FBXL16: variants seen among roughly 807,000 people sequenced by gnomAD.
The protein encoded by FBXL16 is F-box/LRR-repeat protein 16.
A neutral mutation model predicts 36.7 loss-of-function variants in FBXL16; 7 were observed. The ratio of observed to expected loss-of-function variants is 0.19; its 90% CI spans 0.11 to 0.36. The LOEUF (loss-of-function observed/expected upper bound fraction) is 0.36, where lower values mean the gene tolerates loss of function less well. Among genes scored for constraint, FBXL16 ranks in the 10% least tolerant of loss-of-function variants. FBXL16 has a pLI of 1.00. For missense variants in FBXL16, 463 were observed against 659.4 expected, an observed-to-expected ratio of 0.70 and a Z score of 3.26; for synonymous variants, 355 against 308.7, an observed-to-expected ratio of 1.15 and a Z score of -1.57.
chr16:704,026 C>T (rs549101846), intron 1 of FBXL16, among the ~76,000 whole-genome samples: 22 of 152,384 alleles, frequency 1.4e-4, no homozygotes, highest in African/African-American at 4.8e-4. Context: ...TCCTCCTGCA[C>T]CACTGGTGGG....
intron 3 of FBXL16, 61 bp from the exon 4 acceptor site, chr16:695,137 C>T (rs948659955): frequency 9.2e-6 from 14 of 1,525,736 alleles, no homozygotes; most frequent in South Asian, 1.2e-5. Flanking sequence ...CATCCCTCGT[C>T]TTCCTGGGAG....
At chr16:704,823 G>C (rs1423402469) in intron 1 of FBXL16, among the ~76,000 whole-genome samples, 1 of 152,246 alleles carries the variant, frequency 6.6e-6, no homozygotes, top group African/African-American at 2.4e-5. Flanking sequence ...AGTGGCCGCT[G>C]GGCCGTCAGT....
rs904917780 is a variant in FBXL16, at chr16:697,516, G to A, written c.-14-97C>T. 24 of 1,389,930 alleles carry A rather than the reference G, an allele frequency of 1.7e-5. No individual in the cohort carries two copies. The highest frequency in any genetic ancestry group is 5.2e-5 in the East Asian group (2 of 38,666). 86.1% of individuals were successfully genotyped at this position (1,389,930 alleles called of 1,614,324 possible). ...AGTGGGGCTCCTTCCCTCCTTGGGC[G>A]TCCCTATGGTGCTCCCAGAACCACC... On this transcript the variant is annotated intron_variant, in intron 1 of 5. Coordinates refer to ENST00000397621, the MANE Select transcript of FBXL16 (RefSeq NM_153350.4). This position sits in a 1 kb window ranked among gnomAD's most constrained non-coding sequence, Gnocchi z 4.6.
chr16:694,739 C>A (rs1356898633), intron 4 of FBXL16, 42 bp from the exon 5 acceptor site: 5 of 1,564,924 alleles, frequency 3.2e-6, no homozygotes, highest in East Asian at 2.3e-5. Flanking sequence ...TCCGCTCGCA[C>A]CGAGGCGGAG....
At chr16:698,719 A>C (rs1258815430) in intron 1 of FBXL16, among the ~76,000 whole-genome samples, 1 of 152,000 alleles carries the variant, frequency 6.6e-6, no homozygotes, top group Admixed American at 6.6e-5. Context: ...GTTTGAGACC[A>C]CCTGGCCAAC....
At position 699,397 on chromosome 16, in the gene FBXL16, C is replaced by T. The variant is rs758781855; in HGVS notation, c.-14-1978G>A. On this transcript the variant is annotated intron_variant, in intron 1 of 5. Coordinates refer to ENST00000397621, the MANE Select transcript of FBXL16 (RefSeq NM_153350.4). ...CTGCTCCACAGTTCGGATCTCCTGC[C>T]GCCCCCACCCCGACATCCGGGGAGG... 5.9e-5 allele frequency among the ~76,000 whole-genome samples: 9 copies of T among 152,326 alleles called. No homozygotes were observed. In the East Asian group the frequency reaches 9.6e-4, roughly 16 times the overall value.
At chr16:694,916 T>C in intron 4 of FBXL16, 76 bp downstream of exon 4, 3 of 1,416,818 alleles carry the variant, frequency 2.1e-6, no homozygotes, top group Non-Finnish European at 9.4e-7. Flanking sequence ...TCCCAGGATC[T>C]GAGTGGGGCC....
At position 695,852 on chromosome 16, in the gene FBXL16, C is replaced by T. The variant is rs755335069; in HGVS notation, c.705G>A (p.Gly235=). 2 of 1,604,188 alleles carry T rather than the reference C, an allele frequency of 1.2e-6. No individual in the cohort carries two copies. Among genetic ancestry groups the T allele is most frequent in the Non-Finnish European group, 8.5e-7 (1 of 1,173,788 alleles). Residue 235 remains glycine, a synonymous_variant, in exon 3 of 6, where the codon GGG becomes GGA. Transcript: ENST00000397621. ...TGCGCGCGCTCAGGCTGGACCACAG[C>T]CCGGCCTCGGTGAAGTCGTTGCAGC... ...LSGCNDFTEA[G]LWSSLSARIT... is the part of the protein sequence containing the mutation.
intron 1 of FBXL16, among the ~76,000 whole-genome samples, chr16:699,460 A>G (rs1201806462): frequency 6.6e-6 from 1 of 152,178 alleles, no homozygotes; most frequent in African/African-American, 2.4e-5. Context: ...TGGACTTGAA[A>G]TGGGCCCCAC....
At chr16:699,476 C>T (rs567751735) in intron 1 of FBXL16, among the ~76,000 whole-genome samples, 2 of 152,366 alleles carry the variant, frequency 1.3e-5, no homozygotes, top group South Asian at 2.1e-4. Flanking sequence ...CCCACCCTGG[C>T]TCTGTGGTCT....
chr16:705,249 C>A (rs955498195), intron 1 of FBXL16, among the ~76,000 whole-genome samples: 6 of 152,174 alleles, frequency 3.9e-5, no homozygotes, highest in Non-Finnish European at 8.8e-5. Flanking sequence ...GAGGCACGGA[C>A]CCCCAGCCCC....
intron 4 of FBXL16, 135 bp downstream of exon 4, chr16:694,857 C>A: frequency 8.0e-7 from 1 of 1,248,148 alleles, no homozygotes; most frequent in East Asian, 2.6e-5. Flanking sequence ...CGCCGGGACC[C>A]CTGCGTTCCG....
intron 3 of FBXL16, 156 bp downstream of exon 3, chr16:695,259 G>A (rs1019756137): frequency 8.5e-7 from 1 of 1,176,898 alleles, no homozygotes; most frequent in South Asian, 1.6e-5. Flanking sequence ...CGGTTCTGCG[G>A]TTCCCACTCC....
At chr16:694,868 C>T in intron 4 of FBXL16, 124 bp downstream of exon 4, 2 of 1,265,022 alleles carry the variant, frequency 1.6e-6, no homozygotes, top group Non-Finnish European at 2.2e-6. Flanking sequence ...CTGCGTTCCG[C>T]TTAGGTCGGC....
intron 1 of FBXL16, among the ~76,000 whole-genome samples, chr16:701,894 G>T (rs1253315282): frequency 6.6e-6 from 1 of 152,204 alleles, no homozygotes; most frequent in Non-Finnish European, 1.5e-5. Flanking sequence ...GCTCACCCCA[G>T]GGGAAAGAGA....
In FBXL16 at chr16:697,314, C is replaced by G; in HGVS notation, c.92G>C (p.Gly31Ala). 1 of 1,534,840 alleles carries G rather than the reference C, an allele frequency of 6.5e-7. No individual in the cohort carries two copies. The highest frequency in any genetic ancestry group is 8.7e-7 in the Non-Finnish European group (1 of 1,146,396). Reference sequence around the variant, plus strand: ...CGTGCCCTTGGTGATGCTGGCCGCACCCAGGCCGTTGGGCTGGCCCGGCAG... The same window carrying G: ...CGTGCCCTTGGTGATGCTGGCCGCAGCCAGGCCGTTGGGCTGGCCCGGCAG... ...VKLPGQPNGL[G>A]AASITKGTPA... is the part of the protein sequence containing the mutation. The change falls in exon 2 of 6, where the codon GGT (glycine) becomes GCT (alanine). Residue 31 changes from glycine to alanine, a missense_variant. Gly to Ala is a moderately conservative substitution (Grantham distance 60). This residue lies in a region of FBXL16 where 263 missense variants were observed against 341.1 expected (regional missense o/e 0.77). Coordinates refer to ENST00000397621, the MANE Select transcript of FBXL16 (RefSeq NM_153350.4). This position sits in a 1 kb window ranked among gnomAD's most constrained non-coding sequence, Gnocchi z 4.6.
At position 693,927 on chromosome 16, in the gene FBXL16, AG is replaced by A. The variant is rs2039989850; in HGVS notation, c.*347del. 1.2e-5 allele frequency: 2 copies of A among 162,432 alleles called. No individual in the cohort carries two copies. Among genetic ancestry groups the A allele is most frequent in the East Asian group, 3.7e-4 (2 of 5,418 alleles). 10.1% of individuals were successfully genotyped at this position (162,432 alleles called of 1,614,324 possible). ...GAGCTCAAAGCCCCCCCAAGGACCG[AG>A]CCCCGCCCCCCAAGCGGGAGGGCGA... On this transcript the variant is annotated 3_prime_UTR_variant, in exon 6 of 6. Coordinates refer to ENST00000397621, the MANE Select transcript of FBXL16 (RefSeq NM_153350.4).
chr16:694,827 TG>T, intron 4 of FBXL16, 130 bp from the exon 5 acceptor site: 1 of 1,284,666 alleles, frequency 7.8e-7, no homozygotes, highest in South Asian at 1.4e-5. Context: ...GGGAGGCGGC[TG>T]GGAAGTGCTC....
At position 695,801 on chromosome 16, in the gene FBXL16, G is replaced by A; in HGVS notation, c.756C>T (p.Cys252=). The stretch of plus-strand genomic sequence containing the variant: ...CGATGGCGTCGTCGGCCACGTTGAT[G>A]CAGTCACTCACGCTCAGCGAGGTGA... The part of the protein sequence containing the change: ...ARITSLSVSD[C]INVADDAIAA... Residue 252 remains cysteine, a synonymous_variant, in exon 3 of 6, where the codon TGC becomes TGT. Coordinates refer to ENST00000397621, the MANE Select transcript of FBXL16 (RefSeq NM_153350.4). The A allele has an allele frequency of 1.2e-6, 2 of 1,607,978 alleles. No homozygotes were observed. Among genetic ancestry groups the A allele is most frequent in the Non-Finnish European group, 1.7e-6 (2 of 1,178,690 alleles).
Sources: gnomAD v4.1 joint callset for allele counts (sites outside exome capture counted in the v4.1 genomes callset) on GRCh38, gnomAD v4.1.1 for gene constraint, gnomAD v4.1.1 regional missense constraint, Gnocchi (gnomAD v3.1) non-coding constraint, MANE v1.5 for transcripts, NCBI Gene and HGNC (gene_info 2026-07-23, HGNC 2026-07-21) for gene names.